Variants in ZNF292 observed in about 807,000 individuals in gnomAD.
The protein encoded by ZNF292 is zinc finger protein 292.
Under a neutral mutation model 217.9 loss-of-function variants are expected in ZNF292, and 26 were observed. The ratio of observed to expected loss-of-function variants is 0.12; its 90% CI spans 0.09 to 0.17. ZNF292 has a LOEUF of 0.17. ZNF292 is among the 10% of genes least tolerant of loss of function. The probability of loss-of-function intolerance (pLI) is 1.00; values close to 1 mark genes in which losing one functional copy is unlikely to be tolerated. For missense variants in ZNF292, 2,904 were observed against 3,175.2 expected, an observed-to-expected ratio of 0.91 and a Z score of 2.05; for synonymous variants, 1,257 against 1,124.1, an observed-to-expected ratio of 1.12 and a Z score of -2.37.
intron 1 of ZNF292, among the ~76,000 whole-genome samples, chr6:87,197,197 AAAC>A (rs1771973704): frequency 6.6e-6 from 1 of 152,326 alleles, no homozygotes; most frequent in South Asian, 2.1e-4. Flanking sequence ...GGACATGAGA[AAAC>A]AACCTTTTGG....
intron 1 of ZNF292, among the ~76,000 whole-genome samples, chr6:87,171,787 T>C (rs1771107870): frequency 6.6e-6 from 1 of 152,202 alleles, no homozygotes; most frequent in South Asian, 2.1e-4. Flanking sequence ...TGTAATGAAA[T>C]ATACTGGTTT....
chr6:87,155,874 G>T, intron 1 of ZNF292, 115 bp downstream of exon 1: 4 of 1,318,066 alleles, frequency 3.0e-6, no homozygotes, highest in Non-Finnish European at 3.0e-6. Flanking sequence ...CGGCGCCTCC[G>T]CCTGGGTGGG....
intron 5 of ZNF292, among the ~76,000 whole-genome samples, chr6:87,240,365 G>C (rs1016060614): frequency 4.8e-5 from 7 of 145,966 alleles, no homozygotes; most frequent in Admixed American, 1.4e-4. Flanking sequence ...AGGGAGACCC[G>C]TGGCGGTGGG....
At position 87,264,589 on chromosome 6, in the gene ZNF292, A is replaced by G. The variant is rs578070181; in HGVS notation, c.*2788A>G. Among the ~76,000 whole-genome samples, 1 of 152,312 alleles carries G rather than the reference A, an allele frequency of 6.6e-6. No individual in the cohort carries two copies. The highest frequency in any genetic ancestry group is 1.9e-4 in the East Asian group (1 of 5,182). Reference sequence around the variant, plus strand: ...CTTTGTAGAAAATATGAGTTTTGAAAGATGAATGAATGCTCATTGGTTCAG... The same window carrying G: ...CTTTGTAGAAAATATGAGTTTTGAAGGATGAATGAATGCTCATTGGTTCAG... On this transcript the variant is annotated 3_prime_UTR_variant, in exon 8 of 8. Coordinates refer to ENST00000369577, the MANE Select transcript of ZNF292 (RefSeq NM_015021.3).
In ZNF292 at chr6:87,156,667, T is replaced by C. The variant is rs553289799; in HGVS notation, c.168+908T>C. Among the ~76,000 whole-genome samples, 11 of 152,350 alleles carry C rather than the reference T, an allele frequency of 7.2e-5. No homozygotes were observed. The South Asian group carries it at 2.1e-3, about 29-fold the overall frequency. On this transcript the variant is annotated intron_variant, in intron 1 of 7. Coordinates refer to ENST00000369577, the MANE Select transcript of ZNF292 (RefSeq NM_015021.3). The stretch of plus-strand genomic sequence containing the variant: ...CTGAGGTTCATGTGGATCTGTGCTT[T>C]GGGTAGTTTCAAATCTTTTCTTTGC...
rs1775782807 is a variant in ZNF292, at chr6:87,265,649, A to G, written c.*3848A>G. ...ACATTTTTCTTCTTTTAATGTTAAT[A>G]CTTAGTTATATCCCACTGAACTAGC... On this transcript the variant is annotated 3_prime_UTR_variant, in exon 8 of 8. Coordinates refer to ENST00000369577, the MANE Select transcript of ZNF292 (RefSeq NM_015021.3). Among the ~76,000 whole-genome samples, 1 of 152,192 alleles carries G rather than the reference A, an allele frequency of 6.6e-6. No individual in the cohort carries two copies. The highest frequency in any genetic ancestry group is 1.5e-5 in the Non-Finnish European group (1 of 68,034).
intron 1 of ZNF292, among the ~76,000 whole-genome samples, chr6:87,182,480 CTACGCT>C (rs1373240973): frequency 3.9e-5 from 6 of 152,074 alleles, no homozygotes; most frequent in Admixed American, 3.9e-4. Flanking sequence ...AAAAGCACTC[CTACGCT>C]TTTAGAGGAT....
chr6:87,235,203 G>T (rs1773843844), intron 5 of ZNF292, among the ~76,000 whole-genome samples: 1 of 149,496 alleles, frequency 6.7e-6, no homozygotes, highest in Non-Finnish European at 1.5e-5. Flanking sequence ...TTAATTTGCA[G>T]ATGTATAAAA....
At chr6:87,206,478 A>T (rs1172686085) in intron 1 of ZNF292, among the ~76,000 whole-genome samples, 1 of 151,994 alleles carries the variant, frequency 6.6e-6, no homozygotes, top group African/African-American at 2.4e-5. Flanking sequence ...GAATCCTTTA[A>T]GAGTTAGCCA....
chr6:87,203,021 C>A (rs1772138819), intron 1 of ZNF292, among the ~76,000 whole-genome samples: 1 of 151,864 alleles, frequency 6.6e-6, no homozygotes, highest in South Asian at 2.1e-4. Flanking sequence ...TGGAATTTAT[C>A]CCCCATGAAT....
chr6:87,233,665 G>A, intron 5 of ZNF292, 138 bp downstream of exon 5: 2 of 1,407,506 alleles, frequency 1.4e-6, no homozygotes, highest in East Asian at 2.6e-5. Context: ...GTTCTTGAGT[G>A]GTGGCAACTT....
intron 1 of ZNF292, among the ~76,000 whole-genome samples, chr6:87,157,598 TC>T (rs2127766930): frequency 6.6e-6 from 1 of 152,348 alleles, no homozygotes; most frequent in South Asian, 2.1e-4. Context: ...GATTAATAAT[TC>T]TGGGAAAATA....
intron 1 of ZNF292, among the ~76,000 whole-genome samples, chr6:87,200,633 G>T (rs986483027): frequency 6.6e-6 from 1 of 152,096 alleles, no homozygotes; most frequent in Non-Finnish European, 1.5e-5. Flanking sequence ...AGAAATTATG[G>T]GCCACACCAT....
chr6:87,244,026 T>TA (rs752718817), intron 6 of ZNF292, among the ~76,000 whole-genome samples: 3 of 149,314 alleles, frequency 2.0e-5, no homozygotes, highest in Non-Finnish European at 4.5e-5. Flanking sequence ...TCAGTTAATG[T>TA]AAAAACTGAA....
Position 87,257,365 on chromosome 6 carries a change from C to A in ZNF292, c.3736C>A (p.Leu1246Ile). The A allele has an allele frequency of 6.2e-7, 1 of 1,613,718 alleles. No homozygotes were observed. Among genetic ancestry groups the A allele is most frequent in the Non-Finnish European group, 8.5e-7 (1 of 1,179,772 alleles). ...TGCCTTGCCAGCACAAATGGAAGATCTAACCAAAACAGTTCTGCCTTTGAA... is the reference window on the plus strand; with the variant it reads ...TGCCTTGCCAGCACAAATGGAAGATATAACCAAAACAGTTCTGCCTTTGAA... ...STALPAQMED[L>I]TKTVLPLNID... The change falls in exon 8 of 8, where the codon CTA (leucine) becomes ATA (isoleucine). Residue 1246 changes from leucine (L) to isoleucine (I), a missense_variant. Leu to Ile is a conservative substitution (Grantham distance 5, BLOSUM62 2). Around this residue, in one of 15 missense-constraint regions of ZNF292, gnomAD observed 687 missense variants for 623.0 expected, o/e 1.10. Coordinates refer to ENST00000369577, the MANE Select transcript of ZNF292 (RefSeq NM_015021.3).
intron 1 of ZNF292, among the ~76,000 whole-genome samples, chr6:87,159,949 A>G (rs1046408487): frequency 6.6e-6 from 1 of 152,246 alleles, no homozygotes; most frequent in African/African-American, 2.4e-5. Flanking sequence ...AATTTCTTGC[A>G]TTTACTTGTT....
At chr6:87,156,075 G>C (rs527834179) in intron 1 of ZNF292, among the ~76,000 whole-genome samples, 1 of 152,366 alleles carries the variant, frequency 6.6e-6, no homozygotes, top group South Asian at 2.1e-4. Context: ...GAGAGAGTAG[G>C]AGAATGGAGG....
intron 1 of ZNF292, among the ~76,000 whole-genome samples, chr6:87,192,935 C>T (rs9444481): frequency 0.37 from 56,959 of 151,986 alleles, 11,197 homozygotes; most frequent in Admixed American, 0.52. Context: ...TAGATTTGAC[C>T]AGGAATGTGT....
intron 1 of ZNF292, among the ~76,000 whole-genome samples, chr6:87,186,924 AC>A (rs1771679984): frequency 6.6e-6 from 1 of 152,136 alleles, no homozygotes; most frequent in Non-Finnish European, 1.5e-5. Context: ...CCAACTACTC[AC>A]GTTACATTAG....
Sources: gnomAD v4.1 joint callset for allele counts (sites outside exome capture counted in the v4.1 genomes callset) on GRCh38, gnomAD v4.1.1 for gene constraint, gnomAD v4.1.1 regional missense constraint, MANE v1.5 for transcripts, NCBI Gene and HGNC (gene_info 2026-07-23, HGNC 2026-07-21) for gene names.